ESR2: variants seen among roughly 807,000 people sequenced by gnomAD.
ESR2 encodes the protein estrogen receptor beta.
A neutral mutation model predicts 49.6 loss-of-function variants in ESR2; 36 were observed. The ratio of observed to expected loss-of-function variants is 0.73; its 90% CI spans 0.56 to 0.96. The LOEUF (loss-of-function observed/expected upper bound fraction) is 0.96, where lower values mean the gene tolerates loss of function less well. ESR2 is among the 40% of genes least tolerant of loss of function. The pLI is 0.00. For missense variants in ESR2, 714 were observed against 693.0 expected (o/e 1.03, Z -0.34); for synonymous variants, 320 against 266.1 (o/e 1.20, Z -1.97).
intron 6 of ESR2, among the ~76,000 whole-genome samples, chr14:64,252,310 T>TA (rs1371158093): frequency 0.01 from 1,387 of 134,218 alleles, 9 homozygotes; most frequent in Middle Eastern, 0.016. Flanking sequence ...GGACCGTCTC[T>TA]AAAAAAAAAA....
At chr14:64,305,502 C>G (rs960697975) in intron 1 of ESR2, among the ~76,000 whole-genome samples, 10 of 151,390 alleles carry the variant, frequency 6.6e-5, no homozygotes, top group South Asian at 2.1e-4. Context: ...AACCCCATCT[C>G]TACTAAAAAT....
intron 6 of ESR2, among the ~76,000 whole-genome samples, chr14:64,254,932 A>C (rs1229087078): frequency 3.3e-5 from 5 of 152,152 alleles, no homozygotes. Context: ...ACAACATAAT[A>C]CTTTCACTTA....
intron 7 of ESR2, among the ~76,000 whole-genome samples, chr14:64,240,661 G>C (rs1240751702): frequency 6.6e-6 from 1 of 152,172 alleles, no homozygotes; most frequent in Non-Finnish European, 1.5e-5. Context: ...TCAGCTGCAA[G>C]TTTTTGCATT....
At chr14:64,332,650 A>G (rs942821805) in intron 1 of ESR2, among the ~76,000 whole-genome samples, 6 of 151,594 alleles carry the variant, frequency 4.0e-5, no homozygotes, top group Non-Finnish European at 8.8e-5. Flanking sequence ...AACACAAAAA[A>G]TTAGCCAGGT....
chr14:64,322,517 GGAA>G (rs1567802526), intron 1 of ESR2, among the ~76,000 whole-genome samples: 1 of 80,762 alleles, frequency 1.2e-5, no homozygotes, highest in Non-Finnish European at 2.6e-5. Flanking sequence ...TCCACAGAAA[GGAA>G]AAAAAAAAAA....
intron 4 of ESR2, among the ~76,000 whole-genome samples, chr14:64,266,348 G>A (rs1278279497): frequency 6.6e-6 from 1 of 152,150 alleles, no homozygotes; most frequent in Non-Finnish European, 1.5e-5. Context: ...GAAAACCAAG[G>A]GCCAAAGAGG....
Position 64,276,958 on chromosome 14 carries a change from G to T in ESR2, c.535+3023C>A, listed in dbSNP as rs555681933. ...CATGGAATCTATAATCTATTGTCTT[G>T]TTCACCACTGCATCCGTAGAGCCTG... is the stretch of plus-strand genomic sequence containing the variant. On this transcript the variant is annotated intron_variant, in intron 3 of 8. Transcript: ENST00000341099. Among the ~76,000 whole-genome samples the T allele has an allele frequency of 1.1e-4, 16 of 152,242 alleles. No homozygotes were observed. The Middle Eastern group carries it at 0.01, about 97-fold the overall frequency.
chr14:64,285,758 C>T (rs1424537401), intron 1 of ESR2, among the ~76,000 whole-genome samples: 1 of 142,342 alleles, frequency 7.0e-6, no homozygotes, highest in Non-Finnish European at 1.5e-5. Flanking sequence ...ATCTGGGAGG[C>T]GGAGGCTGCA....
chr14:64,315,266 A>AT (rs2077239941), intron 1 of ESR2, among the ~76,000 whole-genome samples: 1 of 149,712 alleles, frequency 6.7e-6, no homozygotes, highest in African/African-American at 2.4e-5. Context: ...AAAAAAAAAA[A>AT]GGAGAGAGAG....
upstream of ESR2, among the ~76,000 whole-genome samples, chr14:64,297,947 GA>G (rs1160542410): frequency 6.6e-6 from 1 of 152,142 alleles, no homozygotes; most frequent in Non-Finnish European, 1.5e-5. Context: ...TGTTTTAAGA[GA>G]ATCTGAGAGA....
intron 6 of ESR2, among the ~76,000 whole-genome samples, chr14:64,253,035 T>A (rs2076020948): frequency 2.6e-5 from 4 of 151,760 alleles, no homozygotes; most frequent in Admixed American, 2.6e-4. Context: ...TTTGCATTTT[T>A]AGTAGAGAAG....
intron 1 of ESR2, among the ~76,000 whole-genome samples, chr14:64,334,884 G>T (rs554931401): frequency 6.6e-6 from 1 of 152,326 alleles, no homozygotes; most frequent in East Asian, 1.9e-4. Context: ...CTGACCTCAG[G>T]TGATCCGCCT....
chr14:64,285,209 G>C (rs965411321), intron 1 of ESR2, among the ~76,000 whole-genome samples: 1 of 152,082 alleles, frequency 6.6e-6, no homozygotes, highest in African/African-American at 2.4e-5. Context: ...CTCGTCCCCA[G>C]TTAGCTTCTC....
chr14:64,234,687 C>T (rs1336058972), intron 8 of ESR2: 2 of 576,414 alleles, frequency 3.5e-6, no homozygotes, highest in African/African-American at 1.9e-5. Flanking sequence ...GGAGGAACTG[C>T]CCCTTTTAGG....
chr14:64,320,505 G>A (rs1275030455), intron 1 of ESR2, among the ~76,000 whole-genome samples: 1 of 152,188 alleles, frequency 6.6e-6, no homozygotes, highest in East Asian at 1.9e-4. Context: ...GTATGATGAT[G>A]TAATGATGGA....
intron 1 of ESR2, among the ~76,000 whole-genome samples, chr14:64,284,100 G>A (rs961506169): frequency 1.3e-5 from 2 of 151,762 alleles, no homozygotes; most frequent in South Asian, 2.1e-4. Context: ...CTAATTTGTT[G>A]TATTTTTTAG....
chr14:64,228,176 C>T, downstream of ESR2: 2 of 695,868 alleles, frequency 2.9e-6, no homozygotes, highest in Non-Finnish European at 4.2e-6. Flanking sequence ...TGTTCAGGTG[C>T]CCTTTCCCAG....
rs1207650237 is a variant in ESR2 at position 64,294,195 on chromosome 14, C to T, written c.-253G>A. On this transcript the variant is annotated 5_prime_UTR_variant, in exon 1 of 9. Coordinates refer to ENST00000341099, the MANE Select transcript of ESR2 (RefSeq NM_001437.3). ...GGGCGCCAGCCCTGCCCCGCAGCCCCAGAGCCCGTCGCAGCTCGGGTGGTC... is the reference window on the plus strand; with the variant it reads ...GGGCGCCAGCCCTGCCCCGCAGCCCTAGAGCCCGTCGCAGCTCGGGTGGTC... 2 of 152,306 alleles carry T rather than the reference C, an allele frequency of 1.3e-5. No individual in the cohort carries two copies. Among genetic ancestry groups the T allele is most frequent in the Non-Finnish European group, 2.9e-5 (2 of 68,092 alleles). 9.4% of individuals were successfully genotyped at this position (152,306 alleles called of 1,614,324 possible). A position where few individuals can be genotyped will look rare whatever the true frequency, so the allele number is the denominator to read the frequency against.
chr14:64,325,868 C>G (rs541831097), intron 1 of ESR2, among the ~76,000 whole-genome samples: 10 of 152,102 alleles, frequency 6.6e-5, no homozygotes, highest in Non-Finnish European at 1.2e-4. Context: ...GTGTATAATA[C>G]ATACAACATA....
Sources: allele counts gnomAD v4.1 joint callset (sites outside exome capture counted in the v4.1 genomes callset), GRCh38; gene constraint gnomAD v4.1.1; transcripts MANE v1.5; gene names NCBI Gene and HGNC (gene_info 2026-07-23, HGNC 2026-07-21).